CCNB3: variants seen among roughly 807,000 people sequenced by gnomAD.
The protein encoded by CCNB3 is G2/mitotic-specific cyclin-B3.
Under a neutral mutation model 68.0 loss-of-function variants are expected in CCNB3, and 12 were observed. The observed-to-expected ratio is 0.18, with a 90% CI of 0.11 to 0.29. CCNB3 has a LOEUF of 0.29. Among genes scored for constraint, CCNB3 ranks in the 10% least tolerant of loss-of-function variants. CCNB3 has a pLI of 1.00. For synonymous variants in CCNB3, 354 were observed against 388.9 expected (o/e 0.91, Z 1.06); for missense variants, 904 against 993.1 (o/e 0.91, Z 1.21).
At chrX:50,344,052 T>C (rs1392725024) in intron 9 of CCNB3, among the ~76,000 whole-genome samples, 3 of 112,104 alleles carry the variant, frequency 2.7e-5, no homozygotes, top group African/African-American at 9.7e-5. Context: ...TGTACTGGTT[T>C]TAAATCTTTT....
chrX:50,287,184 G>A (rs1557209458), intron 3 of CCNB3, among the ~76,000 whole-genome samples: 2 of 111,388 alleles, frequency 1.8e-5, no homozygotes, highest in Admixed American at 9.5e-5. Flanking sequence ...ACCACATAAA[G>A]TTGTTAGAGG....
chrX:50,317,543 TTATG>T (rs200015453), intron 8 of CCNB3, among the ~76,000 whole-genome samples: 10 of 99,683 alleles, frequency 1.0e-4, no homozygotes, highest in Non-Finnish European at 2.0e-4. Flanking sequence ...GTATTTAAAT[TTATG>T]TATGTATGTA....
At chrX:50,294,642 A>G (rs1557210564) in intron 4 of CCNB3, among the ~76,000 whole-genome samples, 3 of 111,624 alleles carry the variant, frequency 2.7e-5, no homozygotes, top group African/African-American at 9.8e-5. Context: ...AACACATACC[A>G]GTACTACTGC....
upstream of CCNB3, among the ~76,000 whole-genome samples, chrX:50,203,402 T>A (rs782750909): frequency 1.1e-4 from 12 of 112,526 alleles, no homozygotes; most frequent in South Asian, 1.1e-3. Flanking sequence ...TTAGCCTACC[T>A]TTTATGTGAT....
At chrX:50,338,003 T>A (rs1333879732) in intron 8 of CCNB3, among the ~76,000 whole-genome samples, 2 of 112,308 alleles carry the variant, frequency 1.8e-5, no homozygotes, top group East Asian at 2.8e-4. Context: ...AAGTTCCAGA[T>A]GTCCAGACTC....
intron 1 of CCNB3, among the ~76,000 whole-genome samples, chrX:50,226,167 G>A (rs1376166416): frequency 7.2e-5 from 4 of 55,228 alleles, no homozygotes; most frequent in Admixed American, 3.1e-4. Flanking sequence ...AATATATATC[G>A]AATATACATA....
At chrX:50,322,796 C>T (rs1352034807) in intron 8 of CCNB3, among the ~76,000 whole-genome samples, 2 of 111,721 alleles carry the variant, frequency 1.8e-5, no homozygotes, top group Admixed American at 9.4e-5. Flanking sequence ...GACATTTATG[C>T]AGCCAAAAAA....
intron 1 of CCNB3, among the ~76,000 whole-genome samples, chrX:50,279,797 CTATA>C (rs1246367283): frequency 1.2e-5 from 1 of 83,324 alleles, no homozygotes; most frequent in Non-Finnish European, 2.2e-5. Flanking sequence ...TAAATATATA[CTATA>C]TATAGAATAT....
chrX:50,333,829 G>A (rs995465997), intron 8 of CCNB3, among the ~76,000 whole-genome samples: 4 of 111,381 alleles, frequency 3.6e-5, no homozygotes, highest in Non-Finnish European at 7.5e-5. Context: ...TAAGGCCACT[G>A]AGATGGAGGC....
chrX:50,205,102 G>C (rs1420067418), intron 1 of CCNB3, among the ~76,000 whole-genome samples, 152 bp downstream of exon 1: 3 of 111,952 alleles, frequency 2.7e-5, no homozygotes, highest in Non-Finnish European at 5.6e-5. Flanking sequence ...TTTCCTCCCT[G>C]TCAAACCAAC....
At chrX:50,226,562 T>C (rs1346367647) in intron 1 of CCNB3, among the ~76,000 whole-genome samples, 6 of 75,467 alleles carry the variant, frequency 8.0e-5, no homozygotes, top group African/African-American at 3.3e-4. Flanking sequence ...AGAATATATA[T>C]ATAAATATAT....
chrX:50,223,932 G>C (rs921491611), intron 1 of CCNB3, among the ~76,000 whole-genome samples: 226 of 111,869 alleles, frequency 2.0e-3, no homozygotes, highest in Non-Finnish European at 2.8e-3. Flanking sequence ...CCCATGACTG[G>C]GGCTGCTGCC....
At chrX:50,340,814 A>G (rs782066475) in intron 8 of CCNB3, among the ~76,000 whole-genome samples, 69 of 111,799 alleles carry the variant, frequency 6.2e-4, no homozygotes, top group African/African-American at 2.2e-3. Flanking sequence ...ACAAGGATAC[A>G]TAAGAAAAAG....
intron 1 of CCNB3, among the ~76,000 whole-genome samples, chrX:50,227,998 A>G (rs1306409494): frequency 1.2e-5 from 1 of 83,803 alleles, no homozygotes; most frequent in African/African-American, 4.6e-5. Context: ...AAATATATAT[A>G]GAGAATATAT....
At chrX:50,341,320 A>G (rs1477321937) in intron 8 of CCNB3, among the ~76,000 whole-genome samples, 3 of 93,753 alleles carry the variant, frequency 3.2e-5, no homozygotes, top group African/African-American at 1.1e-4. Flanking sequence ...ACAGAGCGAA[A>G]CTCCGTCTCA....
At chrX:50,295,187 G>T (rs1196675783) in intron 5 of CCNB3, among the ~76,000 whole-genome samples, 194 bp downstream of exon 5, 2 of 111,702 alleles carry the variant, frequency 1.8e-5, no homozygotes, top group Non-Finnish European at 3.8e-5. Context: ...CATTACGTGT[G>T]TGCATATTGA....
chrX:50,226,442 T>C (rs1191814845), intron 1 of CCNB3, among the ~76,000 whole-genome samples: 1 of 68,503 alleles, frequency 1.5e-5, no homozygotes, highest in Non-Finnish European at 2.5e-5. Flanking sequence ...TAAAAATATA[T>C]ATAGAATATA....
chrX:50,214,824 G>A (rs1287590227), intron 1 of CCNB3, among the ~76,000 whole-genome samples: 1 of 105,480 alleles, frequency 9.5e-6, no homozygotes, highest in African/African-American at 3.4e-5. Flanking sequence ...CTCTCAAATT[G>A]CTGGTATTAC....
At chrX:50,289,169 G>C (rs1936301599) in intron 4 of CCNB3, among the ~76,000 whole-genome samples, 2 of 111,753 alleles carry the variant, frequency 1.8e-5, no homozygotes, top group African/African-American at 6.6e-5. Flanking sequence ...ATAAAGTCCA[G>C]AGGTGACTGC....
Sources: gnomAD v4.1 joint callset for allele counts (sites outside exome capture counted in the v4.1 genomes callset) on GRCh38, gnomAD v4.1.1 for gene constraint, MANE v1.5 for transcripts, NCBI Gene and HGNC (gene_info 2026-07-23, HGNC 2026-07-21) for gene names.